Variants in PFKFB3 observed in about 807,000 individuals in gnomAD.
The protein encoded by PFKFB3 is 6-phosphofructo-2-kinase/fructose-2,6-bisphosphatase 3.
In PFKFB3, 33 loss-of-function variants were observed where a neutral mutation model predicts 68.0. The observed-to-expected ratio is 0.49, with a 90% CI of 0.37 to 0.65. The LOEUF is 0.65. Among genes scored for constraint, PFKFB3 ranks in the 30% least tolerant of loss-of-function variants. The pLI, the probability that PFKFB3 is intolerant of heterozygous loss-of-function variation, is 0.00. For synonymous variants in PFKFB3, 315 were observed against 288.2 expected, an observed-to-expected ratio of 1.09 and a Z score of -0.94; for missense variants, 586 against 712.2, an observed-to-expected ratio of 0.82 and a Z score of 2.02.
In PFKFB3 at chr10:6,155,398, G is replaced by C. The variant is rs189193613; in HGVS notation, c.16+10385G>C. On this transcript the variant is annotated intron_variant, in intron 1 of 14. Coordinates refer to the PFKFB3 transcript ENST00000379789. The stretch of plus-strand genomic sequence containing the variant: ...TTTTTGTATTTTTCATAGAGACGGG[G>C]TTTCACCATGTTAGCCAGGATGGTC... Among the ~76,000 whole-genome samples, 1,225 of 151,968 alleles carry C rather than the reference G, an allele frequency of 8.1e-3. 33 individuals carry two copies. The South Asian group carries it at 0.093, about 11-fold the overall frequency.
Position 6,244,554 on chromosome 10 carries a change from C to T in PFKFB3, c.1516-9624C>T, listed in dbSNP as rs570759974. On this transcript the variant is annotated intron_variant, in intron 14 of 14. Transcript: ENST00000640683. ...GGGGCAGGTCCTCCTACAAAGCACA[C>T]CTTAGCCCAGTTGAGAATCTGGGCT... is the stretch of plus-strand genomic sequence containing the variant. 5.5e-4 allele frequency among the ~76,000 whole-genome samples: 84 copies of T among 152,230 alleles called. 1 individual carries two copies. In the Middle Eastern group the frequency reaches 0.02, roughly 37 times the overall value.
the PFKFB3 span, among the ~76,000 whole-genome samples, chr10:6,276,807 A>T: frequency 1.3e-5 from 2 of 150,736 alleles, no homozygotes; most frequent in Non-Finnish European, 2.9e-5. Context: ...TGGGTCACAG[A>T]ACCTACCTAG....
chr10:6,269,116 A>G, the PFKFB3 span, among the ~76,000 whole-genome samples: 1 of 152,064 alleles, frequency 6.6e-6, no homozygotes, highest in African/African-American at 2.4e-5. Flanking sequence ...TTGCTTTTTA[A>G]AACAGTAGTT....
chr10:6,231,975 C>T (rs915172888), intron 14 of PFKFB3, among the ~76,000 whole-genome samples: 2 of 152,248 alleles, frequency 1.3e-5, no homozygotes. Context: ...TGCCCAGCCC[C>T]GTGACTTTCC....
intron 14 of PFKFB3, among the ~76,000 whole-genome samples, chr10:6,251,236 G>A (rs1846374611): frequency 6.6e-6 from 1 of 152,142 alleles, no homozygotes; most frequent in Non-Finnish European, 1.5e-5. Context: ...TTATCTCATT[G>A]AATCTTCAAA....
At chr10:6,251,477 G>T (rs1311346971) in intron 14 of PFKFB3, among the ~76,000 whole-genome samples, 3 of 152,150 alleles carry the variant, frequency 2.0e-5, no homozygotes, top group Non-Finnish European at 4.4e-5. Context: ...TGGATGTGAT[G>T]GTTTGTTACA....
At chr10:6,210,416 A>G (rs1320893949) in intron 1 of PFKFB3, among the ~76,000 whole-genome samples, 1 of 92,888 alleles carries the variant, frequency 1.1e-5, no homozygotes, top group Non-Finnish European at 2.5e-5. Context: ...GCTGGAGTGC[A>G]GTGGCGCTAT....
Position 6,206,553 on chromosome 10 carries a change from C to A in PFKFB3, c.76+3217C>A, listed in dbSNP as rs1469531191. On this transcript the variant is annotated intron_variant, in intron 1 of 14. Coordinates refer to ENST00000379775, the MANE Select transcript of PFKFB3 (RefSeq NM_004566.4). ...GCCGGGCAGAGGCGCCCCTCACCTC[C>A]CGGACGGGGCGGCTGGCCGGGCAGG... 4.8e-3 allele frequency among the ~76,000 whole-genome samples: 400 copies of A among 83,642 alleles called. 9 individuals are homozygous for A. Among genetic ancestry groups the A allele is most frequent in the African/African-American group, 0.011 (218 of 19,980 alleles). 54.9% of individuals were successfully genotyped at this position (83,642 alleles called of 152,430 possible). A position where few individuals can be genotyped will look rare whatever the true frequency, so the allele number is the denominator to read the frequency against.
At position 6,202,955 on chromosome 10, in the gene PFKFB3, C is replaced by T. The variant is rs1366813551; in HGVS notation, c.-306C>T. ...CCAGCCAAGCCGGAGAGGAGGCGAGCAGCAGGGCCTGGTGGCGAGAGCGCG... is the reference window on the plus strand; with the variant it reads ...CCAGCCAAGCCGGAGAGGAGGCGAGTAGCAGGGCCTGGTGGCGAGAGCGCG... On this transcript the variant is annotated 5_prime_UTR_variant, in exon 1 of 15. Coordinates refer to ENST00000379775, the MANE Select transcript of PFKFB3 (RefSeq NM_004566.4). 5 of 1,262,208 alleles carry T rather than the reference C, an allele frequency of 4.0e-6. No homozygotes were observed. The highest frequency in any genetic ancestry group is 4.0e-5 in the East Asian group (1 of 25,182). The allele number at this position is 1,262,208 out of a possible 1,614,324, so 78.2% of individuals were successfully genotyped here.
chr10:6,170,132 C>T (rs531269685), intron 1 of PFKFB3, among the ~76,000 whole-genome samples: 4 of 152,210 alleles, frequency 2.6e-5, no homozygotes, highest in African/African-American at 9.6e-5. Flanking sequence ...CGATGGTTTT[C>T]CTTTTAAGCA....
chr10:6,294,166 G>T, the PFKFB3 span: 1 of 512,422 alleles, frequency 2.0e-6, no homozygotes, highest in South Asian at 1.4e-5. Context: ...TGTTGAGAGA[G>T]CTCTGGATAT....
intron 1 of PFKFB3, among the ~76,000 whole-genome samples, chr10:6,180,739 C>T (rs1842689157): frequency 6.6e-6 from 1 of 152,178 alleles, no homozygotes. Context: ...GCTGAGATTA[C>T]AGGTGCAAGC....
At chr10:6,288,112 G>A in the PFKFB3 span, among the ~76,000 whole-genome samples, 24 of 150,360 alleles carry the variant, frequency 1.6e-4, no homozygotes, top group Admixed American at 9.9e-4. Flanking sequence ...GCTTGCATTC[G>A]TTTCAAAAAG....
the PFKFB3 span, among the ~76,000 whole-genome samples, chr10:6,282,730 A>C: frequency 1.3e-5 from 2 of 152,192 alleles, no homozygotes; most frequent in African/African-American, 4.8e-5. Flanking sequence ...TCAAAAGAGG[A>C]GAAGACGATT....
intron 1 of PFKFB3, among the ~76,000 whole-genome samples, chr10:6,175,977 G>A (rs570833218): frequency 1.5e-4 from 23 of 152,346 alleles, no homozygotes; most frequent in Middle Eastern, 3.4e-3. Context: ...GGAAGCCCCC[G>A]CCTTGGCGTA....
intron 1 of PFKFB3, chr10:6,146,205 C>G (rs1418040183): frequency 4.2e-6 from 6 of 1,422,800 alleles, no homozygotes; most frequent in Non-Finnish European, 5.5e-6. Context: ...CTTCCCGCAC[C>G]CACCCATCTG....
chr10:6,206,526 C>T (rs1470359014), intron 1 of PFKFB3, among the ~76,000 whole-genome samples: 4 of 129,028 alleles, frequency 3.1e-5, no homozygotes, highest in Admixed American at 7.3e-5. Flanking sequence ...CCAGTAGGGG[C>T]GGCCGGGCAG....
At chr10:6,268,074 C>T in the PFKFB3 span, among the ~76,000 whole-genome samples, 7 of 152,030 alleles carry the variant, frequency 4.6e-5, no homozygotes, top group East Asian at 1.9e-4. Flanking sequence ...TTCTCATGTC[C>T]GCTGCTTTTC....
intron 1 of PFKFB3, among the ~76,000 whole-genome samples, chr10:6,175,657 C>T (rs1453024451): frequency 1.3e-5 from 2 of 152,176 alleles, no homozygotes; most frequent in Non-Finnish European, 2.9e-5. Flanking sequence ...AAACAAAATC[C>T]AAACCAAGTA....
Sources: allele counts gnomAD v4.1 joint callset (sites outside exome capture counted in the v4.1 genomes callset), GRCh38; gene constraint gnomAD v4.1.1; transcripts MANE v1.5; gene names NCBI Gene and HGNC (gene_info 2026-07-23, HGNC 2026-07-21).